SAMD13: variants seen among roughly 807,000 people sequenced by gnomAD.
SAMD13 encodes the protein sterile alpha motif domain containing 13, also known as sterile alpha motif domain-containing protein 13.
A neutral mutation model predicts 12.4 loss-of-function variants in SAMD13; 9 were observed. The observed-to-expected ratio is 0.72, with a 90% CI of 0.44 to 1.26. The LOEUF (loss-of-function observed/expected upper bound fraction) is 1.26, where lower values mean the gene tolerates loss of function less well. SAMD13 is among the 50% of genes most tolerant of loss of function. The probability of loss-of-function intolerance (pLI) is 0.00; values close to 1 mark genes in which losing one functional copy is unlikely to be tolerated. For synonymous variants in SAMD13, 46 were observed against 45.4 expected, an observed-to-expected ratio of 1.01 and a Z score of -0.05; for missense variants, 84 against 119.6, an observed-to-expected ratio of 0.70 and a Z score of 1.39.
chr1:84,339,071 A>AT (rs1679366348), intron 3 of SAMD13, among the ~76,000 whole-genome samples: 1 of 152,256 alleles, frequency 6.6e-6, no homozygotes, highest in South Asian at 2.1e-4. Context: ...GATTCCTTGG[A>AT]TTTTGCTTTA....
intron 3 of SAMD13, among the ~76,000 whole-genome samples, chr1:84,341,559 G>A (rs1469767769): frequency 1.3e-5 from 2 of 152,130 alleles, no homozygotes; most frequent in South Asian, 2.1e-4. Context: ...TGGATGGGGG[G>A]TTTGTGGGAT....
intron 2 of SAMD13, among the ~76,000 whole-genome samples, chr1:84,320,779 A>T (rs749589845): frequency 2.0e-5 from 3 of 152,226 alleles, no homozygotes; most frequent in Admixed American, 6.5e-5. Context: ...GTAATGTGGC[A>T]AATATATCAT....
intron 1 of SAMD13, chr1:84,302,612 AT>A (rs1303505405): frequency 1.0e-6 from 1 of 984,384 alleles, no homozygotes; most frequent in Non-Finnish European, 1.2e-6. Flanking sequence ...GCTATCTGGC[AT>A]TTTTTGTGAG....
At chr1:84,303,175 A>T (rs757966729) in intron 1 of SAMD13, 28 bp from the exon 2 acceptor site, 1 of 1,543,536 alleles carries the variant, frequency 6.5e-7, no homozygotes, top group Non-Finnish European at 9.0e-7. Flanking sequence ...TAAGAATTAA[A>T]CACAAGCTTT....
upstream of SAMD13, among the ~76,000 whole-genome samples, chr1:84,298,856 G>C (rs954118864): frequency 6.6e-6 from 1 of 152,010 alleles, no homozygotes; most frequent in Non-Finnish European, 1.5e-5. Context: ...GACTCGGCGG[G>C]GACCCCGAGA....
chr1:84,311,597 C>G (rs2101793215), intron 2 of SAMD13, among the ~76,000 whole-genome samples: 1 of 152,256 alleles, frequency 6.6e-6, no homozygotes, highest in African/African-American at 2.4e-5. Flanking sequence ...GTATCTGTAA[C>G]ACTTTTCAAG....
chr1:84,302,495 G>A (rs185344903), intron 1 of SAMD13, among the ~76,000 whole-genome samples: 1 of 150,350 alleles, frequency 6.7e-6, no homozygotes. Flanking sequence ...TAAATGTTTT[G>A]ATGATTTTTC....
At chr1:84,303,380 C>A in intron 2 of SAMD13, 93 bp downstream of exon 2, 1 of 1,018,640 alleles carries the variant, frequency 9.8e-7, no homozygotes, top group Non-Finnish European at 1.5e-6. Flanking sequence ...CTACAATACA[C>A]AGTTTGGGGG....
chr1:84,311,269 G>A (rs905259050), intron 2 of SAMD13, among the ~76,000 whole-genome samples: 6 of 149,406 alleles, frequency 4.0e-5, no homozygotes, highest in African/African-American at 1.5e-4. Flanking sequence ...CCAGGAGGCA[G>A]AGGTTACATT....
intron 2 of SAMD13, among the ~76,000 whole-genome samples, chr1:84,309,827 G>A (rs1678668597): frequency 6.6e-6 from 1 of 152,106 alleles, no homozygotes; most frequent in African/African-American, 2.4e-5. Context: ...AGTACCATTA[G>A]TGACCAAGAA....
At chr1:84,331,880 C>G (rs1329556506) in intron 3 of SAMD13, among the ~76,000 whole-genome samples, 3 of 151,990 alleles carry the variant, frequency 2.0e-5, no homozygotes, top group East Asian at 1.9e-4. Context: ...TCAGTCTACC[C>G]TCCTCCCACC....
In SAMD13 at chr1:84,330,436, T is replaced by G. The variant is rs532033951; in HGVS notation, c.165+4688T>G. On this transcript the variant is annotated intron_variant, in intron 3 of 3. Transcript: ENST00000394834. The stretch of plus-strand genomic sequence containing the variant: ...AAGAGTCAAAGGTACCTCAAGAATT[T>G]TACTTTGCTAAGAGCTTTGGTTTTT... 1.2e-3 allele frequency among the ~76,000 whole-genome samples: 188 copies of G among 152,320 alleles called. 1 individual carries two copies. Among genetic ancestry groups the G allele is most frequent in the African/African-American group, 4.4e-3 (185 of 41,582 alleles).
chr1:84,315,330 C>T (rs941929231), intron 2 of SAMD13, among the ~76,000 whole-genome samples: 2 of 152,168 alleles, frequency 1.3e-5, no homozygotes, highest in African/African-American at 4.8e-5. Context: ...TAAGTGGAAT[C>T]ATGCAATATT....
At chr1:84,307,041 G>A (rs1369102852) in intron 2 of SAMD13, among the ~76,000 whole-genome samples, 2 of 151,766 alleles carry the variant, frequency 1.3e-5, no homozygotes, top group Non-Finnish European at 2.9e-5. Flanking sequence ...CATGTTTCTT[G>A]TGCTTTGTGT....
chr1:84,348,489 C>T (rs1406236484), intron 3 of SAMD13, among the ~76,000 whole-genome samples: 2 of 151,524 alleles, frequency 1.3e-5, no homozygotes, highest in East Asian at 1.9e-4. Flanking sequence ...ACAGAAATGT[C>T]GTGACTCACC....
At chr1:84,342,003 G>A (rs1025097621) in intron 3 of SAMD13, among the ~76,000 whole-genome samples, 4 of 152,182 alleles carry the variant, frequency 2.6e-5, no homozygotes, top group African/African-American at 9.7e-5. Context: ...CCAGGTGAAG[G>A]AGGCCTTGTT....
intron 3 of SAMD13, among the ~76,000 whole-genome samples, chr1:84,342,812 G>A (rs925269995): frequency 5.3e-5 from 8 of 152,014 alleles, no homozygotes; most frequent in East Asian, 1.9e-4. Flanking sequence ...ATTTCATGAC[G>A]AAAACATCAA....
rs75118194 is a variant in SAMD13 at position 84,320,993 on chromosome 1, A to G, written c.54-4644A>G. ...TAGATTTAGAAAAACAGTTTCAACT[A>G]TTTTCTGCCTGCCTTCTTACAAAGG... On this transcript the variant is annotated intron_variant, in intron 2 of 3. Transcript: ENST00000394834. 4.1e-3 allele frequency among the ~76,000 whole-genome samples: 624 copies of G among 152,288 alleles called. 7 individuals carry two copies. The highest frequency in any genetic ancestry group is 0.014 in the African/African-American group (572 of 41,554).
At position 84,331,354 on chromosome 1, in the gene SAMD13, A is replaced by AAAAAAAAAAAAAAAAAAAAAAAAAATAC. The variant is rs553761794; in HGVS notation, c.165+5610_165+5611insAAAAAAAAAAAAAAAAAAAAATACAAAA. On this transcript the variant is annotated intron_variant, in intron 3 of 3. Coordinates refer to ENST00000394834, the MANE Select transcript of SAMD13 (RefSeq NM_001134663.2). ...AAAAAAAAAAAAAAAAAAAAAAAAA[A>AAAAAAAAAAAAAAAAAAAAAAAAAATAC]AAAATTATGGATACAAACTTGTTAA... Among the ~76,000 whole-genome samples the AAAAAAAAAAAAAAAAAAAAAAAAAATAC allele has an allele frequency of 2.4e-5, 2 of 82,432 alleles. 1 individual carries two copies. Among genetic ancestry groups the AAAAAAAAAAAAAAAAAAAAAAAAAATAC allele is most frequent in the Non-Finnish European group, 4.7e-5 (2 of 42,548 alleles). 54.1% of individuals were successfully genotyped at this position (82,432 alleles called of 152,430 possible). A position where few individuals can be genotyped will look rare whatever the true frequency, so the allele number is the denominator to read the frequency against.
Sources: allele counts gnomAD v4.1 joint callset (sites outside exome capture counted in the v4.1 genomes callset), GRCh38; gene constraint gnomAD v4.1.1; transcripts MANE v1.5; gene names NCBI Gene and HGNC (gene_info 2026-07-23, HGNC 2026-07-21).